CNTN2: variants seen among roughly 807,000 people sequenced by gnomAD.
CNTN2 encodes the protein contactin 2, also known as contactin-2.
CNTN2 carries 53 observed loss-of-function variants against 117.5 expected under a neutral mutation model. That is an observed-to-expected ratio of 0.45 (90% confidence interval 0.36 to 0.57). The LOEUF (loss-of-function observed/expected upper bound fraction) is 0.57, where lower values mean the gene tolerates loss of function less well. Ranked by LOEUF, CNTN2 falls within the 20% of genes least tolerant of loss-of-function variation. CNTN2 has a pLI of 0.00. For missense variants in CNTN2, 1,106 were observed against 1,404.3 expected, an observed-to-expected ratio of 0.79 and a Z score of 3.39; for synonymous variants, 530 against 561.7, an observed-to-expected ratio of 0.94 and a Z score of 0.80.
In CNTN2 at chr1:205,061,714, G is replaced by T. The variant is rs997522090; in HGVS notation, c.974-151G>T. The T allele has an allele frequency of 1.9e-6, 2 of 1,068,208 alleles. No individual in the cohort carries two copies. Among genetic ancestry groups the T allele is most frequent in the Middle Eastern group, 3.2e-4 (1 of 3,154 alleles). 66.2% of individuals were successfully genotyped at this position (1,068,208 alleles called of 1,614,324 possible). Reference sequence around the variant, plus strand: ...CAGCTTTCTTGTGCCTCCTTCTTCCGGCCCCCTCCTCTTTGTCCTCTCCAT... The same window carrying T: ...CAGCTTTCTTGTGCCTCCTTCTTCCTGCCCCCTCCTCTTTGTCCTCTCCAT... On this transcript the variant is annotated intron_variant, in intron 8 of 22. Transcript: ENST00000331830. The surrounding 1 kb of genome is among the most constrained non-coding windows in gnomAD (Gnocchi z 4.8).
chr1:205,054,298 T>C (rs1335236146), intron 2 of CNTN2, among the ~76,000 whole-genome samples: 2 of 152,218 alleles, frequency 1.3e-5, no homozygotes, highest in African/African-American at 4.8e-5. Flanking sequence ...GGGACTCCAC[T>C]GGCATACTTT....
At position 205,074,968 on chromosome 1, in the gene CNTN2, T is replaced by A; in HGVS notation, c.*1203T>A. 2.5e-6 allele frequency: 1 copy of A among 398,506 alleles called. No homozygotes were observed. Among genetic ancestry groups the A allele is most frequent in the Non-Finnish European group, 4.4e-6 (1 of 226,092 alleles). 24.7% of individuals were successfully genotyped at this position (398,506 alleles called of 1,614,324 possible). Reference sequence around the variant, plus strand: ...GCCATCCTTTCCTGAGCTCTGGGTATACTACCAGTCACAGAACGTCAGAGC... The same window carrying A: ...GCCATCCTTTCCTGAGCTCTGGGTAAACTACCAGTCACAGAACGTCAGAGC... On this transcript the variant is annotated 3_prime_UTR_variant, in exon 23 of 23. Coordinates refer to ENST00000331830, the MANE Select transcript of CNTN2 (RefSeq NM_005076.5).
intron 2 of CNTN2, among the ~76,000 whole-genome samples, chr1:205,054,461 A>C (rs1006366077): frequency 6.6e-6 from 1 of 152,202 alleles, no homozygotes; most frequent in Non-Finnish European, 1.5e-5. Context: ...GGGAAGAGCT[A>C]CAGGGATGGG....
chr1:205,063,736 TTAGG>T (rs1654111612), intron 10 of CNTN2: 2 of 150,940 alleles, frequency 1.3e-5, no homozygotes, highest in Non-Finnish European at 3.0e-5. Context: ...GATGGGCCTG[TTAGG>T]TGGGGTGGTC....
At chr1:205,068,020 A>G (rs1654396842) in intron 16 of CNTN2, 1 of 151,874 alleles carries the variant, frequency 6.6e-6, no homozygotes, top group Non-Finnish European at 1.5e-5. Flanking sequence ...GGGGCTAGGG[A>G]AGCAGCCAGT....
At chr1:205,066,010 G>T (rs915333657) in intron 14 of CNTN2, 101 bp downstream of exon 14, 4 of 1,395,318 alleles carry the variant, frequency 2.9e-6, no homozygotes, top group African/African-American at 2.9e-5. Flanking sequence ...CCTCAAAGCT[G>T]CGGGGAAGGG....
intron 2 of CNTN2, among the ~76,000 whole-genome samples, chr1:205,054,281 C>T (rs1029417815): frequency 1.3e-5 from 2 of 152,216 alleles, no homozygotes; most frequent in South Asian, 2.1e-4. Flanking sequence ...CTTTGTCTCA[C>T]GAGGGAGGGA....
chr1:205,045,399 A>C (rs1452973802), intron 1 of CNTN2, among the ~76,000 whole-genome samples: 1 of 152,156 alleles, frequency 6.6e-6, no homozygotes, highest in African/African-American at 2.4e-5. Flanking sequence ...TGGGCCTCCG[A>C]GGAATTGTGC....
In CNTN2 at chr1:205,058,139, A is replaced by G; in HGVS notation, c.216-42A>G. On this transcript the variant is annotated intron_variant, in intron 3 of 22. Transcript: ENST00000331830. The surrounding 1 kb of genome is among the most constrained non-coding windows in gnomAD (Gnocchi z 4.3). ...TTTCCCTCTCATCAGCCCTGCCACC[A>G]GGCAGGACTCAGAGGTCCCCTTCCT... 1 of 1,597,132 alleles carries G rather than the reference A, an allele frequency of 6.3e-7. No individual in the cohort carries two copies. Among genetic ancestry groups the G allele is most frequent in the Non-Finnish European group, 8.5e-7 (1 of 1,171,184 alleles).
intron 1 of CNTN2, among the ~76,000 whole-genome samples, chr1:205,045,704 T>C (rs1242880995): frequency 6.6e-6 from 1 of 152,144 alleles, no homozygotes; most frequent in Non-Finnish European, 1.5e-5. Context: ...GTGATTGATA[T>C]GCAGGGGAGG....
Position 205,058,037 on chromosome 1 carries a change from G to A in CNTN2, c.187G>A (p.Ala63Thr), listed in dbSNP as rs761386498. ...TEEQVLLACR[A>T]RASPPATYRW... ...GGAGCAGGTGTTGCTGGCATGCCGC[G>A]CCCGGGCCAGCCCTCCAGCCACCTA... Residue 63 changes from alanine to threonine, a missense_variant, in exon 3 of 23, where the codon GCC becomes ACC. Coordinates refer to ENST00000331830, the MANE Select transcript of CNTN2 (RefSeq NM_005076.5). The surrounding 1 kb of genome is among the most constrained non-coding windows in gnomAD (Gnocchi z 4.3). 25 of 1,613,610 alleles carry A rather than the reference G, an allele frequency of 1.5e-5. No homozygotes were observed. Among genetic ancestry groups the A allele is most frequent in the Middle Eastern group, 1.6e-4 (1 of 6,082 alleles).
chr1:205,064,883 A>C (rs1574652385), intron 12 of CNTN2, 133 bp downstream of exon 12: 1 of 1,385,604 alleles, frequency 7.2e-7, no homozygotes, highest in Non-Finnish European at 9.9e-7. Flanking sequence ...TTTGCTTGGG[A>C]CCACCCCCTG....
chr1:205,058,474 C>T lies in CNTN2; in HGVS notation c.392-94C>T, dbSNP rs769264642. 1.0e-5 allele frequency: 16 copies of T among 1,544,268 alleles called. No homozygotes were observed. The highest frequency in any genetic ancestry group is 5.2e-5 in the Admixed American group (3 of 57,904). On this transcript the variant is annotated intron_variant, in intron 4 of 22. Coordinates refer to ENST00000331830, the MANE Select transcript of CNTN2 (RefSeq NM_005076.5). The surrounding 1 kb of genome is among the most constrained non-coding windows in gnomAD (Gnocchi z 4.3). ...GGCCTTCCTGACCTCACATGACATGCCTTAGTGAACTGCTGCTTCTCCGTG... is the reference window on the plus strand; with the variant it reads ...GGCCTTCCTGACCTCACATGACATGTCTTAGTGAACTGCTGCTTCTCCGTG...
In CNTN2 at chr1:205,059,376, T is replaced by C; in HGVS notation, c.697+83T>C. 2 of 1,399,996 alleles carry C rather than the reference T, an allele frequency of 1.4e-6. No homozygotes were observed. The highest frequency in any genetic ancestry group is 3.9e-5 in the Admixed American group (2 of 51,390). 86.7% of individuals were successfully genotyped at this position (1,399,996 alleles called of 1,614,324 possible). ...GGAAAAGGGTTTTTCCTTTGGAGAT[T>C]GGAAGATCAGCTTGCAGGGCACTGA... On this transcript the variant is annotated intron_variant, in intron 6 of 22. Coordinates refer to ENST00000331830, the MANE Select transcript of CNTN2 (RefSeq NM_005076.5). This position sits in a 1 kb window ranked among gnomAD's most constrained non-coding sequence, Gnocchi z 5.6.
At chr1:205,064,494 G>C (rs375930751) in intron 11 of CNTN2, 22 bp downstream of exon 11, 108 of 1,597,964 alleles carry the variant, frequency 6.8e-5, no homozygotes, top group Non-Finnish European at 8.0e-5. Context: ...ACCCCACCCT[G>C]CACAGTTCCT....
Position 205,057,941 on chromosome 1 carries a change from T to C in CNTN2, c.91T>C (p.Ser31Pro), listed in dbSNP as rs780969695. ...SSSAWSSALGSQTTFGPVFED... is the reference protein window; with the variant it reads ...SSSAWSSALGPQTTFGPVFED... ...TGCAGCTTGGAGTTCAGCCCTGGGA[T>C]CCCAAACCACCTTCGGGCCTGTCTT... The change falls in exon 3 of 23, where the codon TCC (serine) becomes CCC (proline). Residue 31 changes from serine to proline, a missense_variant. By Grantham distance (74) the Ser-to-Pro change is moderately conservative. Coordinates refer to ENST00000331830, the MANE Select transcript of CNTN2 (RefSeq NM_005076.5). 1 of 1,613,960 alleles carries C rather than the reference T, an allele frequency of 6.2e-7. No homozygotes were observed. Among genetic ancestry groups the C allele is most frequent in the East Asian group, 2.2e-5 (1 of 44,864 alleles).
rs1409460202 is a variant in CNTN2, at chr1:205,073,121, G to T, written c.2898G>T (p.Lys966Asn). ...CTCCCACGCTCCACCTCACCGGCAA[G>T]AACTGGATAGAAATCCCAGTGCCTG... Reference protein sequence around the residue: ...HLTPTLHLTGKNWIEIPVPED... With the variant: ...HLTPTLHLTGNNWIEIPVPED... Residue 966 changes from lysine to asparagine, a missense_variant, in exon 22 of 23, where the codon AAG becomes AAT. Physicochemically the swap from Lys to Asn is moderately conservative, Grantham distance 94. Coordinates refer to ENST00000331830, the MANE Select transcript of CNTN2 (RefSeq NM_005076.5). This position sits in a 1 kb window ranked among gnomAD's most constrained non-coding sequence, Gnocchi z 6.3. The T allele has an allele frequency of 6.2e-7, 1 of 1,614,176 alleles. No homozygotes were observed. Among genetic ancestry groups the T allele is most frequent in the Non-Finnish European group, 8.5e-7 (1 of 1,180,018 alleles).
At chr1:205,055,675 G>A (rs2096459809) in intron 2 of CNTN2, among the ~76,000 whole-genome samples, 1 of 152,152 alleles carries the variant, frequency 6.6e-6, no homozygotes, top group Admixed American at 6.6e-5. Flanking sequence ...GGAACAGTGG[G>A]GTTAAGAATG....
In CNTN2 at chr1:205,064,761, C is replaced by T; in HGVS notation, c.1519+11C>T. ...TCCTATCTGTGCGAGGTGAGGGCTGCCATGTGGGTAGGCCGGGGGCTCAGC... is the reference window on the plus strand; with the variant it reads ...TCCTATCTGTGCGAGGTGAGGGCTGTCATGTGGGTAGGCCGGGGGCTCAGC... On this transcript the variant is annotated intron_variant, in intron 12 of 22. Transcript: ENST00000331830. The T allele has an allele frequency of 6.2e-7, 1 of 1,613,536 alleles. No homozygotes were observed. The highest frequency in any genetic ancestry group is 8.5e-7 in the Non-Finnish European group (1 of 1,179,762).
Sources: allele counts gnomAD v4.1 joint callset (sites outside exome capture counted in the v4.1 genomes callset), GRCh38; gene constraint gnomAD v4.1.1; non-coding constraint Gnocchi (gnomAD v3.1); transcripts MANE v1.5; gene names NCBI Gene and HGNC (gene_info 2026-07-23, HGNC 2026-07-21).